PARP15: variants seen among roughly 807,000 people sequenced by gnomAD.
PARP15 encodes the protein poly(ADP-ribose) polymerase family member 15, also known as protein mono-ADP-ribosyltransferase PARP15.
In PARP15, 50 loss-of-function variants were observed where a neutral mutation model predicts 62.1. That is an observed-to-expected ratio of 0.81 (90% CI 0.64 to 1.02). The LOEUF is 1.02. PARP15 is among the 50% of genes least tolerant of loss of function. The pLI is 0.00. For synonymous variants in PARP15, 309 were observed against 293.1 expected (o/e 1.05, Z -0.55); for missense variants, 820 against 826.5 (o/e 0.99, Z 0.10).
Position 122,613,228 on chromosome 3 carries a change from T to C in PARP15, c.731T>C (p.Val244Ala), listed in dbSNP as rs1935700301. Residue 244 changes from valine to alanine, a missense_variant, in exon 4 of 12, where the codon GTC becomes GCC. By Grantham distance (64) the Val-to-Ala change is moderately conservative (BLOSUM62 0). Coordinates refer to ENST00000464300, the MANE Select transcript of PARP15 (RefSeq NM_001113523.3). Reference sequence around the variant, plus strand: ...CCGATAACTAGCCCTTTACAAGAAGTCCACTTTCTGGTATATACAAATGAC... The same window carrying C: ...CCGATAACTAGCCCTTTACAAGAAGCCCACTTTCTGGTATATACAAATGAC... ...TRPITSPLQE[V>A]HFLVYTNDDE... 1 of 1,551,252 alleles carries C rather than the reference T, an allele frequency of 6.4e-7. No homozygotes were observed. The highest frequency in any genetic ancestry group is 2.4e-5 in the East Asian group (1 of 40,914).
intron 1 of PARP15, among the ~76,000 whole-genome samples, chr3:122,581,453 G>A (rs1467199070): frequency 2.6e-5 from 4 of 152,056 alleles, no homozygotes; most frequent in Non-Finnish European, 5.9e-5. Flanking sequence ...ATGGGTATGA[G>A]GTGATATTCC....
chr3:122,591,828 A>G (rs945820750), intron 1 of PARP15, among the ~76,000 whole-genome samples: 2 of 151,912 alleles, frequency 1.3e-5, no homozygotes, highest in African/African-American at 4.8e-5. Flanking sequence ...TTTGCAAACT[A>G]TGGTTGCATG....
At chr3:122,596,982 T>C (rs1436725507) in intron 1 of PARP15, among the ~76,000 whole-genome samples, 1 of 152,212 alleles carries the variant, frequency 6.6e-6, no homozygotes. Context: ...AATAGTGGTG[T>C]CTTAGTCTGT....
chr3:122,615,400 C>T, intron 4 of PARP15: 1 of 1,297,112 alleles, frequency 7.7e-7, no homozygotes, highest in Non-Finnish European at 1.0e-6. Context: ...CTGCCCCCTG[C>T]TCACCTACAA....
chr3:122,578,347 T>G (rs1293102133), intron 1 of PARP15, among the ~76,000 whole-genome samples: 1 of 152,236 alleles, frequency 6.6e-6, no homozygotes, highest in East Asian at 1.9e-4. Flanking sequence ...TCATGCTTGC[T>G]TCTAGTACTT....
intron 1 of PARP15, among the ~76,000 whole-genome samples, chr3:122,578,268 T>C (rs1428342166): frequency 6.6e-6 from 1 of 152,100 alleles, no homozygotes; most frequent in Admixed American, 6.5e-5. Context: ...CGTCTAGACT[T>C]TTAGTCATAT....
intron 9 of PARP15, among the ~76,000 whole-genome samples, chr3:122,628,425 A>G (rs1936867002): frequency 6.6e-6 from 1 of 152,244 alleles, no homozygotes; most frequent in Non-Finnish European, 1.5e-5. Context: ...GATACTGGGC[A>G]GTTAAAAATA....
chr3:122,623,947 T>C (rs1056980391), intron 8 of PARP15, among the ~76,000 whole-genome samples: 4 of 151,918 alleles, frequency 2.6e-5, no homozygotes, highest in African/African-American at 9.7e-5. Flanking sequence ...AGGTCAGGAG[T>C]TCGAGACCAG....
chr3:122,622,869 A>C (rs551432855), intron 8 of PARP15, among the ~76,000 whole-genome samples: 33 of 152,340 alleles, frequency 2.2e-4, no homozygotes, highest in African/African-American at 7.7e-4. Context: ...ATGTAGCCAC[A>C]GATTACCATT....
chr3:122,627,097 G>T (rs1330098323), intron 9 of PARP15, 64 bp downstream of exon 9: 5 of 1,328,668 alleles, frequency 3.8e-6, no homozygotes, highest in Non-Finnish European at 5.3e-6. Flanking sequence ...AAATGTTTAA[G>T]TGTGAATGTA....
chr3:122,628,231 C>A (rs189797087), intron 9 of PARP15, among the ~76,000 whole-genome samples: 2 of 152,164 alleles, frequency 1.3e-5, no homozygotes, highest in Non-Finnish European at 2.9e-5. Flanking sequence ...CTCTTTTAAG[C>A]GCTGAGAGTC....
At chr3:122,620,837 G>A (rs900422681) in intron 7 of PARP15, among the ~76,000 whole-genome samples, 3 of 149,318 alleles carry the variant, frequency 2.0e-5, no homozygotes, top group Non-Finnish European at 4.4e-5. Flanking sequence ...CCTCCCTTTT[G>A]CTGGCCCCAG....
Position 122,594,894 on chromosome 3 carries a change from A to G in PARP15, c.187-11042A>G, listed in dbSNP as rs140049703. On this transcript the variant is annotated intron_variant, in intron 1 of 11. Transcript: ENST00000464300. ...ATGTAATTACATAACAATTTTCTTCAAAAATCCCAAAAATGGAAGAGAAAG... is the reference window on the plus strand; with the variant it reads ...ATGTAATTACATAACAATTTTCTTCGAAAATCCCAAAAATGGAAGAGAAAG... 12 of 966,696 alleles carry G rather than the reference A, an allele frequency of 1.2e-5. No homozygotes were observed. The East Asian group carries it at 1.4e-3, about 111-fold the overall frequency. 59.9% of individuals were successfully genotyped at this position (966,696 alleles called of 1,614,324 possible).
intron 7 of PARP15, 88 bp downstream of exon 7, chr3:122,619,931 G>T: frequency 7.8e-7 from 1 of 1,274,180 alleles, no homozygotes; most frequent in African/African-American, 1.5e-5. Flanking sequence ...ACTGGAGGTG[G>T]AGTAAGTAGC....
At chr3:122,624,930 G>A (rs1179164940) in intron 8 of PARP15, among the ~76,000 whole-genome samples, 1 of 151,872 alleles carries the variant, frequency 6.6e-6, no homozygotes. Flanking sequence ...GGAACTTGAG[G>A]GTAGGTTCAA....
At chr3:122,579,718 C>T (rs766451770) in intron 1 of PARP15, among the ~76,000 whole-genome samples, 43 of 151,986 alleles carry the variant, frequency 2.8e-4, no homozygotes, top group Middle Eastern at 3.4e-3. Flanking sequence ...GTGGCTCACG[C>T]CTGTAATCCC....
Position 122,636,311 on chromosome 3 carries a change from G to A in PARP15, c.*211G>A. The A allele has an allele frequency of 7.3e-6, 4 of 546,394 alleles. No homozygotes were observed. Among genetic ancestry groups the A allele is most frequent in the South Asian group, 2.4e-5 (1 of 41,126 alleles). 33.8% of individuals were successfully genotyped at this position (546,394 alleles called of 1,614,324 possible). On this transcript the variant is annotated 3_prime_UTR_variant, in exon 12 of 12. Transcript: ENST00000464300. The stretch of plus-strand genomic sequence containing the variant: ...GATGGGTGGAAGCTGAGAAATGTAT[G>A]GTAAATGTCACAGAGCTACAACCAT...
chr3:122,630,993 TC>T (rs1937030506), intron 9 of PARP15, among the ~76,000 whole-genome samples: 1 of 152,170 alleles, frequency 6.6e-6, no homozygotes, highest in Admixed American at 6.5e-5. Flanking sequence ...TGATTCCAAG[TC>T]CTGATAGCTT....
chr3:122,627,804 G>A (rs989608552), intron 9 of PARP15, among the ~76,000 whole-genome samples: 1 of 152,206 alleles, frequency 6.6e-6, no homozygotes, highest in Non-Finnish European at 1.5e-5. Context: ...TTCCTGACAA[G>A]CATTCTCCTT....
Sources: allele counts gnomAD v4.1 joint callset (sites outside exome capture counted in the v4.1 genomes callset), GRCh38; gene constraint gnomAD v4.1.1; transcripts MANE v1.5; gene names NCBI Gene and HGNC (gene_info 2026-07-23, HGNC 2026-07-21).